Variants in CNDP1 observed in about 807,000 individuals in gnomAD.
CNDP1 encodes the protein beta-Ala-His dipeptidase.
Under a neutral mutation model 58.1 loss-of-function variants are expected in CNDP1, and 44 were observed. The observed-to-expected ratio is 0.76, with a 90% CI of 0.60 to 0.97. CNDP1 has a LOEUF of 0.97. Among genes scored for constraint, CNDP1 ranks in the 50% least tolerant of loss-of-function variants. The probability of loss-of-function intolerance (pLI) is 0.00; values close to 1 mark genes in which losing one functional copy is unlikely to be tolerated. For missense variants in CNDP1, 616 were observed against 655.1 expected, an observed-to-expected ratio of 0.94 and a Z score of 0.65; for synonymous variants, 254 against 252.6, an observed-to-expected ratio of 1.01 and a Z score of -0.05.
At chr18:74,539,690 GC>G (rs1980569566) in intron 1 of CNDP1, among the ~76,000 whole-genome samples, 1 of 152,198 alleles carries the variant, frequency 6.6e-6, no homozygotes, top group African/African-American at 2.4e-5. Context: ...GCTCAGGTTG[GC>G]CCAGGACACT....
chr18:74,584,413 C>T, intron 11 of CNDP1, 83 bp from the exon 12 acceptor site: 1 of 926,238 alleles, frequency 1.1e-6, no homozygotes, highest in Non-Finnish European at 1.8e-6. Flanking sequence ...ATCAAATCTT[C>T]CTGTCTAAAT....
At chr18:74,535,580 C>CTCTTTTTTTTTTTTTT (rs1980466222) in intron 1 of CNDP1, among the ~76,000 whole-genome samples, 1 of 106,394 alleles carries the variant, frequency 9.4e-6, no homozygotes, top group Non-Finnish European at 1.8e-5. Flanking sequence ...CCATTGCTGA[C>CTCTTTTTTTTTTTTTT]TTTTTTTTTT....
intron 1 of CNDP1, among the ~76,000 whole-genome samples, chr18:74,536,545 A>G (rs915517410): frequency 1.3e-5 from 2 of 152,188 alleles, no homozygotes; most frequent in African/African-American, 4.8e-5. Context: ...TCTGTCATTG[A>G]TGGACATTTA....
At chr18:74,573,086 CATCT>C (rs1350516293) in intron 7 of CNDP1, among the ~76,000 whole-genome samples, 2 of 152,078 alleles carry the variant, frequency 1.3e-5, no homozygotes, top group Non-Finnish European at 2.9e-5. Context: ...TCCATCTATC[CATCT>C]ATTATCTATC....
intron 9 of CNDP1, 65 bp from the exon 10 acceptor site, chr18:74,580,065 C>A: frequency 7.0e-7 from 1 of 1,422,222 alleles, no homozygotes; most frequent in Non-Finnish European, 9.8e-7. Context: ...TGATGGAAGA[C>A]TATATTAACT....
At chr18:74,576,048 T>G (rs1285660152) in intron 7 of CNDP1, 2 of 151,170 alleles carry the variant, frequency 1.3e-5, no homozygotes, top group African/African-American at 2.4e-5. Flanking sequence ...TTTTTGTATT[T>G]TTAGTAGAAA....
rs1453853837 is a variant in CNDP1 at position 74,571,092 on chromosome 18, G to C, written c.757-94G>C. The C allele has an allele frequency of 1.5e-5, 12 of 793,484 alleles. No homozygotes were observed. In the South Asian group the frequency reaches 1.7e-4, roughly 11 times the overall value. 49.2% of individuals were successfully genotyped at this position (793,484 alleles called of 1,614,324 possible). On this transcript the variant is annotated intron_variant, in intron 6 of 11. Transcript: ENST00000358821. ...GGATGTTGCCTACCTGAGTTCTGAG[G>C]GACACACGCAGATATGTATTTCACC... is the stretch of plus-strand genomic sequence containing the variant.
chr18:74,555,929 T>C (rs1981025615), intron 1 of CNDP1, among the ~76,000 whole-genome samples: 1 of 152,224 alleles, frequency 6.6e-6, no homozygotes, highest in African/African-American at 2.4e-5. Flanking sequence ...TTTTGTCTAA[T>C]AGAGCAGTTC....
At chr18:74,557,756 A>G (rs973993902) in intron 2 of CNDP1, among the ~76,000 whole-genome samples, 30 of 152,222 alleles carry the variant, frequency 2.0e-4, no homozygotes, top group African/African-American at 6.8e-4. Context: ...TTCAGTATAC[A>G]TTTATTGGAT....
intron 7 of CNDP1, among the ~76,000 whole-genome samples, chr18:74,574,525 C>A (rs573596137): frequency 6.6e-6 from 1 of 152,178 alleles, no homozygotes; most frequent in Admixed American, 6.5e-5. Context: ...AAGATGGCTG[C>A]TAGGCATGCA....
rs1568296136 is a variant in CNDP1, at chr18:74,560,995, C to T, written c.443C>T (p.Pro148Leu). Reference sequence around the variant, plus strand: ...CGGGGCGATGGGTGGCTCACGGACCCCTATGTGCTGACGGAGGTAGACGGT... The same window carrying T: ...CGGGGCGATGGGTGGCTCACGGACCTCTATGTGCTGACGGAGGTAGACGGT... The part of the protein sequence containing the change: ...ADRGDGWLTD[P>L]YVLTEVDGKL... Residue 148 changes from proline to leucine, a missense_variant, in exon 4 of 12, where the codon CCC (proline) becomes CTC (leucine). Physicochemically the swap from Pro to Leu is moderately conservative, Grantham distance 98 (BLOSUM62 -3). Coordinates refer to ENST00000358821, the MANE Select transcript of CNDP1 (RefSeq NM_032649.6). The T allele has an allele frequency of 4.3e-6, 7 of 1,613,760 alleles. No homozygotes were observed. Among genetic ancestry groups the T allele is most frequent in the Non-Finnish European group, 5.9e-6 (7 of 1,179,782 alleles).
Position 74,556,426 on chromosome 18 carries a change from T to TC in CNDP1, c.114dup (p.Phe39LeufsTer5), listed in dbSNP as rs750488367. 1 of 1,614,230 alleles carries TC rather than the reference T, an allele frequency of 6.2e-7. No homozygotes were observed. The highest frequency in any genetic ancestry group is 1.1e-5 in the South Asian group (1 of 91,090). On this transcript the variant is annotated frameshift_variant, in exon 2 of 12. Transcript: ENST00000358821. LOFTEE classifies it high-confidence loss of function. ...CCGCCCCCGGCGCTGTTAGAGAAAGTCTTCCAGTACATTGACCTCCATCAG... is the reference window on the plus strand; with the variant it reads ...CCGCCCCCGGCGCTGTTAGAGAAAGTCCTTCCAGTACATTGACCTCCATCAG...
chr18:74,579,187 T>TCCC (rs1360226154), intron 9 of CNDP1, among the ~76,000 whole-genome samples: 1 of 78,438 alleles, frequency 1.3e-5, no homozygotes, highest in African/African-American at 4.1e-5. Context: ...CCTTCTCCCT[T>TCCC]TCCTTCCCTT....
At chr18:74,563,614 T>C (rs1046312112) in intron 5 of CNDP1, among the ~76,000 whole-genome samples, 2 of 152,174 alleles carry the variant, frequency 1.3e-5, no homozygotes, top group African/African-American at 4.8e-5. Flanking sequence ...AGGGATTCAG[T>C]GAAGAAACAT....
chr18:74,578,763 T>TG (rs1397867606), intron 9 of CNDP1, among the ~76,000 whole-genome samples: 1 of 152,160 alleles, frequency 6.6e-6, no homozygotes, highest in East Asian at 1.9e-4. Context: ...CAAGATTGGT[T>TG]TACACATAGA....
rs1981908701 is a variant in CNDP1 at position 74,586,101 on chromosome 18, C to A, written c.*1539C>A. ...AGTGTCAGTTTAAAAACGTGCTGTA[C>A]CACCTTTAAAAGGACTGGAGCAGGC... On this transcript the variant is annotated 3_prime_UTR_variant, in exon 12 of 12. Transcript: ENST00000358821. 6.6e-6 allele frequency: 1 copy of A among 151,824 alleles called. No individual in the cohort carries two copies. Among genetic ancestry groups the A allele is most frequent in the South Asian group, 2.1e-4 (1 of 4,808 alleles). The allele number at this position is 151,824 out of a possible 1,614,324, so 9.4% of individuals were successfully genotyped here.
rs546516905 is a variant in CNDP1 at position 74,562,811 on chromosome 18, T to C, written c.555+676T>C. On this transcript the variant is annotated intron_variant, in intron 5 of 11. Coordinates refer to ENST00000358821, the MANE Select transcript of CNDP1 (RefSeq NM_032649.6). ...CTCGTGTTTCAACACAAGGATGGTT[T>C]TATCTCAAGCCACTCTTCTCCCCTC... 2.0e-5 allele frequency among the ~76,000 whole-genome samples: 3 copies of C among 152,340 alleles called. No individual in the cohort carries two copies. The South Asian group carries it at 6.2e-4, about 32-fold the overall frequency.
At chr18:74,555,931 G>GAGC (rs1981025687) in intron 1 of CNDP1, among the ~76,000 whole-genome samples, 1 of 152,184 alleles carries the variant, frequency 6.6e-6, no homozygotes, top group South Asian at 2.1e-4. Context: ...TTGTCTAATA[G>GAGC]AGCAGTTCAT....
chr18:74,573,430 A>ACCC (rs560442671), intron 7 of CNDP1, among the ~76,000 whole-genome samples: 1 of 151,542 alleles, frequency 6.6e-6, no homozygotes, highest in Admixed American at 6.6e-5. Flanking sequence ...CCATCCATCC[A>ACCC]ACTATCTATC....
Sources: allele counts gnomAD v4.1 joint callset (sites outside exome capture counted in the v4.1 genomes callset), GRCh38; gene constraint gnomAD v4.1.1; transcripts MANE v1.5; gene names NCBI Gene and HGNC (gene_info 2026-07-23, HGNC 2026-07-21).